PTK7: variants seen among roughly 807,000 people sequenced by gnomAD.
PTK7 encodes protein tyrosine kinase 7 (inactive).
PTK7 carries 39 observed loss-of-function variants against 116.6 expected under a neutral mutation model. The ratio of observed to expected loss-of-function variants is 0.33; its 90% confidence interval spans 0.26 to 0.44. The LOEUF is 0.44. Ranked by LOEUF, PTK7 falls within the 20% of genes least tolerant of loss-of-function variation. The probability of loss-of-function intolerance (pLI) is 1.00; values close to 1 mark genes in which losing one functional copy is unlikely to be tolerated. For synonymous variants in PTK7, 546 were observed against 563.6 expected (o/e 0.97, Z 0.44); for missense variants, 1,169 against 1,425.6 (o/e 0.82, Z 2.90).
intron 1 of PTK7, among the ~76,000 whole-genome samples, chr6:43,081,689 G>A (rs1479216405): frequency 6.6e-6 from 1 of 152,220 alleles, no homozygotes; most frequent in African/African-American, 2.4e-5. Flanking sequence ...ACAGGCGTGA[G>A]CCACTGCACC....
chr6:43,121,604 T>C (rs145847310), intron 1 of PTK7, among the ~76,000 whole-genome samples: 90 of 148,440 alleles, frequency 6.1e-4, no homozygotes, highest in Non-Finnish European at 1.1e-3. Context: ...AGTCAGCTTG[T>C]CCATCTTCAG....
chr6:43,152,498 G>T lies in PTK7; in HGVS notation c.2721+5800G>T, dbSNP rs1467733511. Reference sequence around the variant, plus strand: ...GAGCTGAGACTGCCACTGCACTCCCGCCTGGGCGACAGAGTGAGACTCCGT... The same window carrying T: ...GAGCTGAGACTGCCACTGCACTCCCTCCTGGGCGACAGAGTGAGACTCCGT... On this transcript the variant is annotated intron_variant, in intron 17 of 19. Transcript: ENST00000230419. Among the ~76,000 whole-genome samples, 3 of 152,354 alleles carry T rather than the reference G, an allele frequency of 2.0e-5. No individual in the cohort carries two copies. In the East Asian group the frequency reaches 5.8e-4, roughly 29 times the overall value.
At chr6:43,146,788 G>A (rs1256619476) in intron 17 of PTK7, 90 bp downstream of exon 17, 1 of 1,130,100 alleles carries the variant, frequency 8.8e-7, no homozygotes, top group East Asian at 2.4e-5. Context: ...GCTCTCTATG[G>A]GCCAGGCCCT....
At chr6:43,157,676 T>A (rs1409317876) in intron 17 of PTK7, among the ~76,000 whole-genome samples, 1 of 151,928 alleles carries the variant, frequency 6.6e-6, no homozygotes, top group Non-Finnish European at 1.5e-5. Context: ...AGGTTAGATA[T>A]TTGAGACCAG....
chr6:43,096,523 A>T (rs1222041907), intron 1 of PTK7, among the ~76,000 whole-genome samples: 1 of 152,156 alleles, frequency 6.6e-6, no homozygotes, highest in Non-Finnish European at 1.5e-5. Context: ...CCTTAGATCA[A>T]ATAAATACCT....
chr6:43,130,668 C>T lies in PTK7; in HGVS notation c.812+7C>T, dbSNP rs1382134558. The T allele has an allele frequency of 6.2e-7, 1 of 1,614,150 alleles. No homozygotes were observed. The highest frequency in any genetic ancestry group is 8.5e-7 in the Non-Finnish European group (1 of 1,179,998). ...CCATCACTAACCGCAGTCGGTAAGG[C>T]ATCTGGCTGGGAGCATTCCAGTACC... is the stretch of plus-strand genomic sequence containing the variant. On this transcript the variant is annotated splice_region_variant and intron_variant, in intron 5 of 19. Transcript: ENST00000230419.
At chr6:43,110,225 C>T (rs1768120107) in intron 1 of PTK7, among the ~76,000 whole-genome samples, 2 of 151,838 alleles carry the variant, frequency 1.3e-5, no homozygotes, top group African/African-American at 4.8e-5. Context: ...CTCTTGACCT[C>T]GTGATCTGCC....
Position 43,076,431 on chromosome 6 carries a change from G to C in PTK7, c.-58G>C. 4 of 1,406,956 alleles carry C rather than the reference G, an allele frequency of 2.8e-6. No individual in the cohort carries two copies. The South Asian group carries it at 5.6e-5, about 20-fold the overall frequency. The allele number at this position is 1,406,956 out of a possible 1,614,324, so 87.2% of individuals were successfully genotyped here. ...GCGCTCCGCCTCCTGTGCCCGCCGC[G>C]GAGCGCAGTCTGCGCGCCCGCCGTG... On this transcript the variant is annotated 5_prime_UTR_variant, in exon 1 of 20. Transcript: ENST00000230419. The surrounding 1 kb of genome is among the most constrained non-coding windows in gnomAD (Gnocchi z 5.7).
At position 43,141,821 on chromosome 6, in the gene PTK7, C is replaced by T. The variant is rs200199218; in HGVS notation, c.1768+4C>T. ...CATGTCCAGCTCACTGTGGCAGGTG[C>T]GACCGTGGCAGGGCCCTGGGGCTGG... On this transcript the variant is annotated splice_donor_region_variant and intron_variant, in intron 11 of 19. Coordinates refer to ENST00000230419, the MANE Select transcript of PTK7 (RefSeq NM_002821.5). The surrounding 1 kb of genome is among the most constrained non-coding windows in gnomAD (Gnocchi z 4.9). 1.7e-4 allele frequency: 269 copies of T among 1,612,680 alleles called. No individual in the cohort carries two copies. In the African/African-American group the frequency reaches 2.8e-3, roughly 17 times the overall value.
intron 7 of PTK7, among the ~76,000 whole-genome samples, chr6:43,136,180 A>G (rs1183953924): frequency 6.6e-6 from 1 of 151,188 alleles, no homozygotes; most frequent in South Asian, 2.1e-4. Flanking sequence ...AATACAAAAA[A>G]AAAAATTATC....
intron 1 of PTK7, among the ~76,000 whole-genome samples, chr6:43,104,192 G>T (rs1582097014): frequency 1.3e-5 from 2 of 152,050 alleles, no homozygotes; most frequent in Non-Finnish European, 2.9e-5. Flanking sequence ...TAATAATAAG[G>T]TAACAGTAAG....
chr6:43,076,342 C>T lies in PTK7; in HGVS notation c.-147C>T. The T allele has an allele frequency of 8.3e-6, 3 of 359,546 alleles. No homozygotes were observed. The highest frequency in any genetic ancestry group is 1.3e-5 in the Non-Finnish European group (3 of 230,140). 22.3% of individuals were successfully genotyped at this position (359,546 alleles called of 1,614,324 possible). A position where few individuals can be genotyped will look rare whatever the true frequency, so the allele number is the denominator to read the frequency against. The stretch of plus-strand genomic sequence containing the variant: ...GGGCGCGCGCGGCTCCGGCTCGGGA[C>T]GCCTCGGGACGCCTCGGGGTCGGGC... On this transcript the variant is annotated 5_prime_UTR_variant, in exon 1 of 20. It adds an upstream start codon to the 5' untranslated region. Coordinates refer to ENST00000230419, the MANE Select transcript of PTK7 (RefSeq NM_002821.5). The surrounding 1 kb of genome is among the most constrained non-coding windows in gnomAD (Gnocchi z 5.7).
In PTK7 at chr6:43,087,746, C is replaced by T. The variant is rs16896258; in HGVS notation, c.79+11179C>T. Among the ~76,000 whole-genome samples, 915 of 152,334 alleles carry T rather than the reference C, an allele frequency of 6.0e-3. 46 individuals are homozygous for T. In the East Asian group the frequency reaches 0.11, roughly 19 times the overall value. Reference sequence around the variant, plus strand: ...GCTCACTCAGTGTGGCATCTCCAGCCTTGTTTCTGCCACACCTTACAGGCT... The same window carrying T: ...GCTCACTCAGTGTGGCATCTCCAGCTTTGTTTCTGCCACACCTTACAGGCT... On this transcript the variant is annotated intron_variant, in intron 1 of 19. Coordinates refer to ENST00000230419, the MANE Select transcript of PTK7 (RefSeq NM_002821.5).
At position 43,159,781 on chromosome 6, in the gene PTK7, C is replaced by T; in HGVS notation, c.2874-7C>T. 6.2e-7 allele frequency: 1 copy of T among 1,614,186 alleles called. No individual in the cohort carries two copies. The highest frequency in any genetic ancestry group is 1.3e-5 in the African/African-American group (1 of 75,040). ...CACCTCACCCCTGGGTTGCTTCTCT[C>T]CTGCAGTGAGTACTACCACTTCCGC... On this transcript the variant is annotated splice_region_variant and splice_polypyrimidine_tract_variant and intron_variant, in intron 18 of 19. Coordinates refer to ENST00000230419, the MANE Select transcript of PTK7 (RefSeq NM_002821.5).
chr6:43,158,791 T>C, intron 17 of PTK7, 26 bp from the exon 18 acceptor site: 2 of 1,610,292 alleles, frequency 1.2e-6, no homozygotes, highest in Non-Finnish European at 1.7e-6. Context: ...CCTGGGCTGC[T>C]CTAACAGGCC....
chr6:43,100,886 GA>G (rs1002307777), intron 1 of PTK7, among the ~76,000 whole-genome samples: 12 of 149,890 alleles, frequency 8.0e-5, no homozygotes, highest in Middle Eastern at 3.4e-3. Context: ...AAGCAGATGT[GA>G]AAAAAAAAAT....
chr6:43,085,231 A>G (rs1766586175), intron 1 of PTK7, among the ~76,000 whole-genome samples: 2 of 152,182 alleles, frequency 1.3e-5, no homozygotes, highest in Admixed American at 6.5e-5. Context: ...GGTTCTTCCC[A>G]GAGACTGTCC....
intron 5 of PTK7, chr6:43,131,775 C>T: frequency 3.5e-6 from 2 of 568,070 alleles, no homozygotes; most frequent in Non-Finnish European, 6.3e-6. Context: ...CCTGCATTGC[C>T]ATTTGCCTCA....
At chr6:43,131,028 A>ACCAC (rs1491535973) in intron 5 of PTK7, among the ~76,000 whole-genome samples, 25 of 88,472 alleles carry the variant, frequency 2.8e-4, no homozygotes, top group African/African-American at 1.1e-3. Context: ...TGGCAAAGAC[A>ACCAC]TCACACACAC....
Sources: gnomAD v4.1 joint callset for allele counts (sites outside exome capture counted in the v4.1 genomes callset) on GRCh38, gnomAD v4.1.1 for gene constraint, Gnocchi (gnomAD v3.1) non-coding constraint, MANE v1.5 for transcripts, NCBI Gene and HGNC (gene_info 2026-07-23, HGNC 2026-07-21) for gene names.